COX5A: variants seen among roughly 807,000 people sequenced by gnomAD.
COX5A encodes cytochrome c oxidase subunit 5A.
Under a neutral mutation model 16.1 loss-of-function variants are expected in COX5A, and 6 were observed. The ratio of observed to expected loss-of-function variants is 0.37; its 90% CI spans 0.20 to 0.73. The LOEUF (loss-of-function observed/expected upper bound fraction) is 0.73. Ranked by LOEUF, COX5A falls within the 30% of genes least tolerant of loss-of-function variation. The pLI, the probability that COX5A is intolerant of heterozygous loss-of-function variation, is 0.50. For missense variants in COX5A, 159 were observed against 194.9 expected (o/e 0.82, Z 1.10); for synonymous variants, 73 against 73.8 (o/e 0.99, Z 0.06).
intron 1 of COX5A, among the ~76,000 whole-genome samples, chr15:74,936,672 G>A (rs2065391648): frequency 7.1e-6 from 1 of 140,412 alleles, no homozygotes; most frequent in Non-Finnish European, 1.5e-5. Context: ...TGTCGGCCAG[G>A]CTGGAGTGCA....
rs374547481 is a variant in COX5A, at chr15:74,923,623, C to T, written c.*9+25G>A. The stretch of plus-strand genomic sequence containing the variant: ...CACACCTCTCTGGATTGTTTTCCTG[C>T]CTTCTTCAGTGGTTTGTCGCTTACC... On this transcript the variant is annotated intron_variant, in intron 4 of 4. Coordinates refer to ENST00000322347, the MANE Select transcript of COX5A (RefSeq NM_004255.4). 40 of 1,354,734 alleles carry T rather than the reference C, an allele frequency of 3.0e-5. No homozygotes were observed. The African/African-American group carries it at 4.7e-4, about 16-fold the overall frequency. 83.9% of individuals were successfully genotyped at this position (1,354,734 alleles called of 1,614,324 possible).
intron 2 of COX5A, 80 bp from the exon 3 acceptor site, chr15:74,926,967 C>T: frequency 6.8e-7 from 1 of 1,465,702 alleles, no homozygotes; most frequent in Non-Finnish European, 9.3e-7. Context: ...TTTACTGAAT[C>T]ACTGATGTAT....
At chr15:74,924,525 AAAT>A (rs71140115) in intron 3 of COX5A, among the ~76,000 whole-genome samples, 99 of 151,680 alleles carry the variant, frequency 6.5e-4, no homozygotes, top group Non-Finnish European at 1.2e-3. Flanking sequence ...TGTCTCAAAA[AAAT>A]AATAATAATT....
intron 1 of COX5A, chr15:74,937,668 A>T (rs1291114721): frequency 6.3e-6 from 2 of 319,852 alleles, no homozygotes; most frequent in African/African-American, 4.3e-5. Flanking sequence ...CTCGGCGCCC[A>T]CAGCAGGTCC....
At chr15:74,926,287 G>A (rs567633087) in intron 3 of COX5A, among the ~76,000 whole-genome samples, 201 of 151,656 alleles carry the variant, frequency 1.3e-3, no homozygotes, top group Non-Finnish European at 2.4e-3. Flanking sequence ...TGATCCGCCC[G>A]CCTCGGCCTC....
intron 2 of COX5A, among the ~76,000 whole-genome samples, chr15:74,928,049 GA>G (rs1295943195): frequency 1.3e-5 from 2 of 152,270 alleles, no homozygotes; most frequent in Admixed American, 1.3e-4. Flanking sequence ...TTCTACTCCA[GA>G]TTGTTCAGTA....
chr15:74,931,030 A>G, intron 1 of COX5A, among the ~76,000 whole-genome samples: 1 of 149,010 alleles, frequency 6.7e-6, no homozygotes, highest in African/African-American at 2.5e-5. Flanking sequence ...AAAAAAAAAA[A>G]AAAAAAAAAA....
At chr15:74,935,448 A>T (rs1299073747) in intron 1 of COX5A, among the ~76,000 whole-genome samples, 1 of 151,576 alleles carries the variant, frequency 6.6e-6, no homozygotes, top group African/African-American at 2.4e-5. Flanking sequence ...GCCTGTTTCT[A>T]CGGAAAATAA....
At chr15:74,922,540 CT>C (rs2065325929) in intron 4 of COX5A, among the ~76,000 whole-genome samples, 1 of 152,044 alleles carries the variant, frequency 6.6e-6, no homozygotes, top group Non-Finnish European at 1.5e-5. Flanking sequence ...GAGACAGGGT[CT>C]CACTATGTTG....
chr15:74,936,071 A>G (rs1261012544), intron 1 of COX5A, among the ~76,000 whole-genome samples: 1 of 151,936 alleles, frequency 6.6e-6, no homozygotes, highest in Admixed American at 6.6e-5. Context: ...CAGACGGATC[A>G]CCTGACCTCA....
chr15:74,928,660 C>T (rs1298112498), intron 2 of COX5A, among the ~76,000 whole-genome samples: 1 of 152,230 alleles, frequency 6.6e-6, no homozygotes, highest in Non-Finnish European at 1.5e-5. Context: ...GCTGGGATTA[C>T]AGGCGTGAGC....
intron 1 of COX5A, among the ~76,000 whole-genome samples, chr15:74,931,531 G>A (rs559472527): frequency 7.3e-5 from 11 of 151,232 alleles, no homozygotes; most frequent in African/African-American, 2.7e-4. Context: ...TTTACATAGA[G>A]TACTGTATGA....
At chr15:74,936,341 A>G (rs2065390164) in intron 1 of COX5A, among the ~76,000 whole-genome samples, 1 of 152,028 alleles carries the variant, frequency 6.6e-6, no homozygotes, top group Non-Finnish European at 1.5e-5. Context: ...TCAGTTTCCC[A>G]AGATGGACTT....
chr15:74,923,427 C>T (rs193183318), intron 4 of COX5A, among the ~76,000 whole-genome samples: 122 of 151,050 alleles, frequency 8.1e-4, no homozygotes, highest in Non-Finnish European at 1.2e-3. Flanking sequence ...AAAAAAAAGA[C>T]GAAAGAAAGA....
intron 2 of COX5A, among the ~76,000 whole-genome samples, chr15:74,927,420 C>G (rs1024136424): frequency 1.8e-4 from 27 of 152,238 alleles, no homozygotes; most frequent in African/African-American, 6.5e-4. Flanking sequence ...CGTGATCCAC[C>G]TGCCTCGGCC....
intron 1 of COX5A, among the ~76,000 whole-genome samples, chr15:74,933,239 C>A (rs1566981799): frequency 6.6e-6 from 1 of 151,716 alleles, no homozygotes; most frequent in Non-Finnish European, 1.5e-5. Context: ...CATGGTGAAA[C>A]CCTGTCTCTA....
chr15:74,921,222 C>T (rs562703859), intron 4 of COX5A, among the ~76,000 whole-genome samples: 1 of 149,788 alleles, frequency 6.7e-6, no homozygotes, highest in Non-Finnish European at 1.5e-5. Context: ...TCCTGGCTAA[C>T]ACGGTGAAAC....
chr15:74,937,780 G>A (rs1304823897), intron 1 of COX5A, 135 bp downstream of exon 1: 3 of 509,534 alleles, frequency 5.9e-6, no homozygotes, highest in Non-Finnish European at 9.1e-6. Context: ...CGGGCAGGGC[G>A]GCCCGCGGTC....
At position 74,922,658 on chromosome 15, in the gene COX5A, T is replaced by C. The variant is rs567498267; in HGVS notation, c.*9+990A>G. 1.9e-3 allele frequency among the ~76,000 whole-genome samples: 282 copies of C among 150,818 alleles called. 1 individual carries two copies. The highest frequency in any genetic ancestry group is 6.4e-3 in the African/African-American group (263 of 40,972). On this transcript the variant is annotated intron_variant, in intron 4 of 4. Coordinates refer to ENST00000322347, the MANE Select transcript of COX5A (RefSeq NM_004255.4). ...GCATGAGCCATTGCTGCCAGCCAAG[T>C]TGAGTCTTTTTTTTTTTTTTTTTTT... is the stretch of plus-strand genomic sequence containing the variant.
Sources: allele counts gnomAD v4.1 joint callset (sites outside exome capture counted in the v4.1 genomes callset), GRCh38; gene constraint gnomAD v4.1.1; transcripts MANE v1.5; gene names NCBI Gene and HGNC (gene_info 2026-07-23, HGNC 2026-07-21).